Variants in GALNT17 observed in about 807,000 individuals in gnomAD.
GALNT17 encodes polypeptide N-acetylgalactosaminyltransferase 17.
GALNT17 carries 29 observed loss-of-function variants against 63.7 expected under a neutral mutation model. That is an observed-to-expected ratio of 0.46 (90% CI 0.34 to 0.62). The LOEUF (loss-of-function observed/expected upper bound fraction) is 0.62, where lower values mean the gene tolerates loss of function less well. Ranked by LOEUF, GALNT17 falls within the 20% of genes least tolerant of loss-of-function variation. GALNT17 has a pLI of 0.01. For missense variants in GALNT17, 603 were observed against 799.6 expected, an observed-to-expected ratio of 0.75 and a Z score of 2.97; for synonymous variants, 305 against 318.3, an observed-to-expected ratio of 0.96 and a Z score of 0.45.
chr7:71,321,922 C>CTTCCTTCCTTCCTTCCTTCCCCT (rs1791620772), intron 1 of GALNT17, among the ~76,000 whole-genome samples: 20 of 28,474 alleles, frequency 7.0e-4, no homozygotes, highest in South Asian at 1.9e-3. Context: ...TTCCTTCCTT[C>CTTCCTTCCTTCCTTCCTTCCCCT]CCCTCCCTCC....
intron 6 of GALNT17, among the ~76,000 whole-genome samples, chr7:71,629,247 A>T (rs1192141363): frequency 6.6e-6 from 1 of 152,082 alleles, no homozygotes; most frequent in Admixed American, 6.5e-5. Flanking sequence ...GCCAGGCAGG[A>T]GGACAGATCA....
chr7:71,166,739 G>A (rs186678044), intron 1 of GALNT17, among the ~76,000 whole-genome samples: 3 of 152,070 alleles, frequency 2.0e-5, no homozygotes, highest in African/African-American at 7.2e-5. Context: ...CTCTTGTTGA[G>A]GGCCATGTGT....
At chr7:71,227,231 G>A (rs973467624) in intron 1 of GALNT17, among the ~76,000 whole-genome samples, 1 of 150,828 alleles carries the variant, frequency 6.6e-6, no homozygotes, top group Non-Finnish European at 1.5e-5. Context: ...GGGCATGGTG[G>A]TATGTGCCAG....
At chr7:71,496,354 T>G (rs1393738634) in intron 5 of GALNT17, among the ~76,000 whole-genome samples, 4 of 151,004 alleles carry the variant, frequency 2.6e-5, no homozygotes, top group Admixed American at 6.6e-5. Flanking sequence ...CTTACTCTGG[T>G]GGGGGTGGGG....
chr7:71,197,584 C>T (rs542856302), intron 1 of GALNT17, among the ~76,000 whole-genome samples: 1 of 152,060 alleles, frequency 6.6e-6, no homozygotes, highest in African/African-American at 2.4e-5. Flanking sequence ...TCCCCACTTT[C>T]CTCCACTCCC....
At chr7:71,216,260 C>T (rs768648006) in intron 1 of GALNT17, among the ~76,000 whole-genome samples, 12 of 151,880 alleles carry the variant, frequency 7.9e-5, no homozygotes, top group Non-Finnish European at 1.2e-4. Context: ...GAGATGATGT[C>T]GTGATATATC....
In GALNT17 at chr7:71,487,913, A is replaced by G. The variant is rs548514047; in HGVS notation, c.962+66808A>G. Among the ~76,000 whole-genome samples, 11 of 152,208 alleles carry G rather than the reference A, an allele frequency of 7.2e-5. No individual in the cohort carries two copies. The South Asian group carries it at 2.3e-3, about 32-fold the overall frequency. ...CCGGGCATGGTAGCTCACACCTATA[A>G]TTCCAGTGATTCAGGAGGCTGGGGC... On this transcript the variant is annotated intron_variant, in intron 5 of 10. Transcript: ENST00000333538.
intron 1 of GALNT17, among the ~76,000 whole-genome samples, chr7:71,243,650 C>A (rs989482674): frequency 3.9e-5 from 6 of 152,100 alleles, no homozygotes; most frequent in Non-Finnish European, 7.3e-5. Flanking sequence ...AGTGACCCCC[C>A]CATCTTGGCC....
At chr7:71,448,501 G>T (rs1044872837) in intron 5 of GALNT17, among the ~76,000 whole-genome samples, 2 of 151,726 alleles carry the variant, frequency 1.3e-5, no homozygotes, top group African/African-American at 4.8e-5. Context: ...TATTTCTGGG[G>T]TATTTTCTTA....
intron 1 of GALNT17, among the ~76,000 whole-genome samples, chr7:71,278,931 T>TC (rs1284548170): frequency 2.1e-5 from 3 of 145,654 alleles, no homozygotes; most frequent in Non-Finnish European, 4.5e-5. Context: ...TTCTTCTTCT[T>TC]TTTTTTTTTA....
chr7:71,146,754 GAGA>G (rs1788031185), intron 1 of GALNT17, among the ~76,000 whole-genome samples: 1 of 152,220 alleles, frequency 6.6e-6, no homozygotes, highest in South Asian at 2.1e-4. Flanking sequence ...GCCACTGATA[GAGA>G]AGTTTTCCCT....
intron 6 of GALNT17, among the ~76,000 whole-genome samples, chr7:71,598,523 T>G (rs1789920382): frequency 6.6e-6 from 1 of 152,242 alleles, no homozygotes; most frequent in East Asian, 1.9e-4. Context: ...CCAGTGTATT[T>G]TGGGGCTTTG....
chr7:71,147,147 T>A (rs1000297251), intron 1 of GALNT17, among the ~76,000 whole-genome samples: 3 of 152,132 alleles, frequency 2.0e-5, no homozygotes, highest in Non-Finnish European at 4.4e-5. Context: ...ACTCTCAGAT[T>A]ATGAATAACA....
intron 6 of GALNT17, among the ~76,000 whole-genome samples, chr7:71,634,595 A>G (rs1336316382): frequency 6.6e-6 from 1 of 151,910 alleles, no homozygotes; most frequent in Non-Finnish European, 1.5e-5. Flanking sequence ...CTCTATTAAA[A>G]ATACAGAAAT....
intron 2 of GALNT17, among the ~76,000 whole-genome samples, chr7:71,377,742 TG>T (rs900525364): frequency 6.6e-6 from 1 of 152,194 alleles, no homozygotes; most frequent in African/African-American, 2.4e-5. Context: ...GATTGGATCA[TG>T]GGGGCAGTTT....
chr7:71,227,308 G>C (rs1377151200), intron 1 of GALNT17, among the ~76,000 whole-genome samples: 1 of 151,794 alleles, frequency 6.6e-6, no homozygotes, highest in Non-Finnish European at 1.5e-5. Flanking sequence ...AGGCTGCAGT[G>C]GGCCATGATT....
chr7:71,449,302 G>A (rs1342115160), intron 5 of GALNT17, among the ~76,000 whole-genome samples: 1 of 151,574 alleles, frequency 6.6e-6, no homozygotes, highest in African/African-American at 2.4e-5. Flanking sequence ...AGTAGAGATG[G>A]GGTTTCACCA....
intron 3 of GALNT17, among the ~76,000 whole-genome samples, chr7:71,390,077 TAAAAG>T (rs1793022443): frequency 6.6e-6 from 1 of 152,106 alleles, no homozygotes; most frequent in African/African-American, 2.4e-5. Flanking sequence ...GCTCATGAGA[TAAAAG>T]AAAGCCAGCT....
chr7:71,159,646 C>T (rs990654547), intron 1 of GALNT17, among the ~76,000 whole-genome samples: 4 of 148,016 alleles, frequency 2.7e-5, no homozygotes, highest in Non-Finnish European at 4.4e-5. Flanking sequence ...GGAGCAGAAA[C>T]GGGCAGACCT....
Sources: allele counts gnomAD v4.1 joint callset (sites outside exome capture counted in the v4.1 genomes callset), GRCh38; gene constraint gnomAD v4.1.1; transcripts MANE v1.5; gene names NCBI Gene and HGNC (gene_info 2026-07-23, HGNC 2026-07-21).